GRM7: variants seen among roughly 807,000 people sequenced by gnomAD.
GRM7 encodes glutamate metabotropic receptor 7, also known as metabotropic glutamate receptor 7.
In GRM7, 35 loss-of-function variants were observed where a neutral mutation model predicts 84.5. The observed-to-expected ratio is 0.41, with a 90% confidence interval of 0.32 to 0.55. The LOEUF is 0.55. Ranked by LOEUF, GRM7 falls within the 20% of genes least tolerant of loss-of-function variation. The pLI, the probability that GRM7 is intolerant of heterozygous loss-of-function variation, is 0.19. For synonymous variants in GRM7, 487 were observed against 455.1 expected (o/e 1.07, Z -0.89); for missense variants, 1,003 against 1,194.6 (o/e 0.84, Z 2.36).
rs548287277 is a variant in GRM7, at chr3:7,372,617, C to T, written c.1034-42406C>T. On this transcript the variant is annotated intron_variant, in intron 4 of 9. Transcript: ENST00000357716. ...ATTTATAGTCTGTTGCAGGAGGACT[C>T]AGAATAAAAGATCCCTAAAAGTAGC... 2.0e-5 allele frequency among the ~76,000 whole-genome samples: 3 copies of T among 152,218 alleles called. No homozygotes were observed. The South Asian group carries it at 6.2e-4, about 32-fold the overall frequency.
chr3:7,608,012 C>G (rs1415931255), intron 8 of GRM7: 2 of 328,402 alleles, frequency 6.1e-6, no homozygotes, highest in East Asian at 2.2e-4. Context: ...CATCAGTTTG[C>G]TAAGGATAAC....
In GRM7 at chr3:7,722,575, TG is replaced by T. The variant is rs35554647; in HGVS notation, c.2699-17779del. ...GTTCTGCCTTAGACTCCCGAGTAGC[TG>T]GGACCACAGCCATGTACCACCATGC... On this transcript the variant is annotated intron_variant, in intron 9 of 9. Coordinates refer to ENST00000357716, the MANE Select transcript of GRM7 (RefSeq NM_000844.4). Among the ~76,000 whole-genome samples, 752 of 152,074 alleles carry T rather than the reference TG, an allele frequency of 4.9e-3. 7 individuals are homozygous for T. The highest frequency in any genetic ancestry group is 0.015 in the African/African-American group (638 of 41,476).
At chr3:7,069,171 C>A (rs1697774418) in intron 1 of GRM7, among the ~76,000 whole-genome samples, 1 of 151,740 alleles carries the variant, frequency 6.6e-6, no homozygotes, top group Admixed American at 6.6e-5. Flanking sequence ...AAGTTTCAGG[C>A]AGGTTAAGAG....
chr3:7,108,628 C>T (rs1692737645), intron 1 of GRM7, among the ~76,000 whole-genome samples: 1 of 151,986 alleles, frequency 6.6e-6, no homozygotes, highest in Non-Finnish European at 1.5e-5. Flanking sequence ...AGTCAGTCCC[C>T]ATTCATTATG....
intron 1 of GRM7, among the ~76,000 whole-genome samples, chr3:7,135,445 T>C (rs1051398130): frequency 2.0e-5 from 3 of 152,212 alleles, no homozygotes; most frequent in African/African-American, 7.2e-5. Context: ...TTGCACATGA[T>C]ACTTTCAAAA....
intron 4 of GRM7, among the ~76,000 whole-genome samples, chr3:7,374,421 A>G (rs553882571): frequency 6.6e-6 from 1 of 151,800 alleles, no homozygotes; most frequent in South Asian, 2.1e-4. Context: ...TCTAGCAATC[A>G]TCCCACCTCA....
chr3:6,962,281 T>C (rs1360828164), intron 1 of GRM7, among the ~76,000 whole-genome samples: 1 of 152,200 alleles, frequency 6.6e-6, no homozygotes, highest in Non-Finnish European at 1.5e-5. Context: ...TAATTTTTTG[T>C]CGAATAAATG....
intron 1 of GRM7, among the ~76,000 whole-genome samples, chr3:6,930,510 G>A (rs892149420): frequency 1.3e-5 from 2 of 152,080 alleles, no homozygotes; most frequent in Non-Finnish European, 2.9e-5. Context: ...ATTTTTTGGT[G>A]TCTTAGTGTT....
chr3:7,059,459 G>C (rs1448682075), intron 1 of GRM7, among the ~76,000 whole-genome samples: 1 of 151,624 alleles, frequency 6.6e-6, no homozygotes, highest in Admixed American at 6.6e-5. Flanking sequence ...AAACAAAAGG[G>C]TATCTAAACA....
At chr3:7,099,316 CAT>C (rs1286864187) in intron 1 of GRM7, among the ~76,000 whole-genome samples, 21 of 142,124 alleles carry the variant, frequency 1.5e-4, no homozygotes, top group Admixed American at 1.2e-3. Context: ...ATGTATTATA[CAT>C]GTATATATGT....
At chr3:7,538,521 C>G (rs536703131) in intron 7 of GRM7, among the ~76,000 whole-genome samples, 21 of 152,356 alleles carry the variant, frequency 1.4e-4, no homozygotes, top group Non-Finnish European at 2.8e-4. Context: ...CAGCAAAACT[C>G]TCTCTTTTCA....
chr3:7,036,198 T>G (rs561208331), intron 1 of GRM7, among the ~76,000 whole-genome samples: 1 of 152,254 alleles, frequency 6.6e-6, no homozygotes, highest in South Asian at 2.1e-4. Flanking sequence ...AAAAATTCTA[T>G]AAAGGAGAGA....
At chr3:7,043,643 A>G (rs997844763) in intron 1 of GRM7, among the ~76,000 whole-genome samples, 5 of 152,248 alleles carry the variant, frequency 3.3e-5, no homozygotes, top group Non-Finnish European at 5.9e-5. Flanking sequence ...ATGTTAGAAC[A>G]GTGCTCTGCC....
intron 2 of GRM7, among the ~76,000 whole-genome samples, chr3:7,159,721 A>C (rs1383783866): frequency 6.6e-6 from 1 of 152,148 alleles, no homozygotes; most frequent in Non-Finnish European, 1.5e-5. Flanking sequence ...TGTCCTCTTG[A>C]ATAGTGATGC....
At chr3:7,423,654 C>A (rs1696487896) in intron 5 of GRM7, among the ~76,000 whole-genome samples, 1 of 151,198 alleles carries the variant, frequency 6.6e-6, no homozygotes, top group Admixed American at 6.6e-5. Flanking sequence ...CACCCCCACC[C>A]ACCAAAGAGA....
At chr3:7,570,180 C>T (rs1446810735) in intron 7 of GRM7, among the ~76,000 whole-genome samples, 1 of 152,112 alleles carries the variant, frequency 6.6e-6, no homozygotes, top group Non-Finnish European at 1.5e-5. Flanking sequence ...TACAGCCAAA[C>T]CATATCATTC....
At chr3:7,037,299 T>G (rs1696421469) in intron 1 of GRM7, among the ~76,000 whole-genome samples, 1 of 152,224 alleles carries the variant, frequency 6.6e-6, no homozygotes, top group African/African-American at 2.4e-5. Flanking sequence ...TTGTCGTTAC[T>G]TTTAATACAC....
intron 4 of GRM7, among the ~76,000 whole-genome samples, chr3:7,374,714 C>T (rs1446574585): frequency 6.0e-5 from 9 of 149,198 alleles, no homozygotes; most frequent in Non-Finnish European, 1.3e-4. Context: ...TGGTCTCGAA[C>T]TCCTAACCTC....
intron 4 of GRM7, among the ~76,000 whole-genome samples, chr3:7,404,912 A>T (rs1269727235): frequency 6.6e-6 from 1 of 152,174 alleles, no homozygotes; most frequent in Non-Finnish European, 1.5e-5. Context: ...ACAATCTCTA[A>T]CACCTACCAT....
Sources: gnomAD v4.1 joint callset for allele counts (sites outside exome capture counted in the v4.1 genomes callset) on GRCh38, gnomAD v4.1.1 for gene constraint, MANE v1.5 for transcripts, NCBI Gene and HGNC (gene_info 2026-07-23, HGNC 2026-07-21) for gene names.